Variants in SORT1 observed in about 807,000 individuals in gnomAD.
SORT1 encodes the protein sortilin 1.
In SORT1, 39 loss-of-function variants were observed where a neutral mutation model predicts 101.7. That is an observed-to-expected ratio of 0.38 (90% CI 0.30 to 0.50). SORT1 has a LOEUF of 0.50. Ranked by LOEUF, SORT1 falls within the 20% of genes least tolerant of loss-of-function variation. The probability of loss-of-function intolerance (pLI) is 0.90; values close to 1 mark genes in which losing one functional copy is unlikely to be tolerated. For synonymous variants in SORT1, 396 were observed against 393.7 expected (o/e 1.01, Z -0.07); for missense variants, 878 against 1,040.4 (o/e 0.84, Z 2.15).
intron 1 of SORT1, among the ~76,000 whole-genome samples, chr1:109,381,966 A>G (rs1279980273): frequency 1.3e-5 from 2 of 152,160 alleles, no homozygotes; most frequent in African/African-American, 4.8e-5. Context: ...ACTCTTCTTT[A>G]TAGTTTTTCT....
At chr1:109,378,886 T>C (rs960014152) in intron 1 of SORT1, among the ~76,000 whole-genome samples, 2 of 151,088 alleles carry the variant, frequency 1.3e-5, no homozygotes, top group Admixed American at 1.3e-4. Flanking sequence ...ACCACACCTG[T>C]AATCCCAGCA....
chr1:109,345,286 G>A (rs547703754), intron 8 of SORT1, among the ~76,000 whole-genome samples: 227 of 152,238 alleles, frequency 1.5e-3, no homozygotes, highest in Non-Finnish European at 2.0e-3. Context: ...AGGCTGAGGC[G>A]GGGGGATCAC....
chr1:109,390,389 G>A (rs902905882), intron 1 of SORT1, among the ~76,000 whole-genome samples: 1 of 152,048 alleles, frequency 6.6e-6, no homozygotes, highest in African/African-American at 2.4e-5. Context: ...AACAAAACAC[G>A]TTGATAAAAC....
intron 10 of SORT1, among the ~76,000 whole-genome samples, chr1:109,339,362 T>C (rs574490359): frequency 1.3e-5 from 2 of 152,308 alleles, no homozygotes; most frequent in African/African-American, 2.4e-5. Context: ...ACATCTACTA[T>C]GTGCAAAAAT....
intron 3 of SORT1, among the ~76,000 whole-genome samples, chr1:109,360,373 C>T (rs778680103): frequency 6.6e-6 from 1 of 152,270 alleles, no homozygotes; most frequent in East Asian, 1.9e-4. Context: ...TGCTCTGCCA[C>T]CCAGGCTGGG....
intron 7 of SORT1, among the ~76,000 whole-genome samples, chr1:109,347,252 A>G (rs1157815790): frequency 6.6e-6 from 1 of 152,200 alleles, no homozygotes; most frequent in African/African-American, 2.4e-5. Flanking sequence ...ACATAAATAC[A>G]TTGCTAAGAT....
chr1:109,320,386 C>T (rs943506902), intron 15 of SORT1, among the ~76,000 whole-genome samples: 4 of 152,208 alleles, frequency 2.6e-5, no homozygotes, highest in Admixed American at 6.5e-5. Context: ...TACCTTCCTT[C>T]CCACTATCTC....
chr1:109,317,001 T>C (rs1647262070), intron 16 of SORT1, 43 bp from the exon 17 acceptor site: 2 of 1,243,918 alleles, frequency 1.6e-6, no homozygotes, highest in Non-Finnish European at 2.3e-6. Context: ...TAAGGATGTA[T>C]TCCTGGGTAC....
At chr1:109,387,356 A>G (rs1470867430) in intron 1 of SORT1, among the ~76,000 whole-genome samples, 1 of 151,634 alleles carries the variant, frequency 6.6e-6, no homozygotes, top group Non-Finnish European at 1.5e-5. Flanking sequence ...AGCCAGGCAC[A>G]GGGATATGTG....
intron 3 of SORT1, among the ~76,000 whole-genome samples, chr1:109,356,941 T>A (rs1259935213): frequency 6.6e-6 from 1 of 152,254 alleles, no homozygotes; most frequent in Non-Finnish European, 1.5e-5. Context: ...TGCTGTGCAC[T>A]GCAAATTTCT....
At chr1:109,391,775 G>GA (rs1652927713) in intron 1 of SORT1, among the ~76,000 whole-genome samples, 2 of 152,188 alleles carry the variant, frequency 1.3e-5, no homozygotes, top group African/African-American at 4.8e-5. Context: ...AGAACTGACT[G>GA]AAATTGATCA....
At chr1:109,356,551 C>G (rs963732122) in intron 3 of SORT1, among the ~76,000 whole-genome samples, 5 of 152,130 alleles carry the variant, frequency 3.3e-5, no homozygotes, top group Non-Finnish European at 7.4e-5. Flanking sequence ...AAAGTGCTCC[C>G]AAAGGCTTCT....
At chr1:109,325,231 CTTTTTTTTT>C (rs35552184) in intron 13 of SORT1, 142 bp from the exon 14 acceptor site, 2 of 190,348 alleles carry the variant, frequency 1.1e-5, no homozygotes, top group African/African-American at 3.7e-5. Flanking sequence ...ATTATTTTAA[CTTTTTTTTT>C]TTTTTTTTTT....
intron 1 of SORT1, among the ~76,000 whole-genome samples, chr1:109,378,550 G>A (rs916192083): frequency 6.6e-6 from 1 of 151,194 alleles, no homozygotes; most frequent in Non-Finnish European, 1.5e-5. Flanking sequence ...AGAAATAACT[G>A]AAAGGCGGAA....
chr1:109,344,487 G>T (rs1324050521), intron 8 of SORT1, among the ~76,000 whole-genome samples: 1 of 152,048 alleles, frequency 6.6e-6, no homozygotes, highest in East Asian at 1.9e-4. Flanking sequence ...GATTGATCGG[G>T]CATGCTCCAG....
At chr1:109,374,071 A>G (rs1194802822) in intron 1 of SORT1, among the ~76,000 whole-genome samples, 1 of 152,202 alleles carries the variant, frequency 6.6e-6, no homozygotes, top group African/African-American at 2.4e-5. Flanking sequence ...CCTGAGCAAC[A>G]GAGCAAGACC....
At position 109,342,107 on chromosome 1, in the gene SORT1, T is replaced by C. The variant is rs960407299; in HGVS notation, c.1015A>G (p.Met339Val). 88 of 1,610,686 alleles carry C rather than the reference T, an allele frequency of 5.5e-5. 1 individual carries two copies. Among genetic ancestry groups the C allele is most frequent in the Non-Finnish European group, 7.3e-5 (86 of 1,177,052 alleles). The part of the protein sequence containing the change: ...VSTDQGDTWS[M>V]AQLPSVGQEQ... Reference sequence around the variant, plus strand: ...TGTCCCACGGAGGGGAGCTGGGCCATGCTCCATGTGTCCCCTTGATCTGTT... The same window carrying C: ...TGTCCCACGGAGGGGAGCTGGGCCACGCTCCATGTGTCCCCTTGATCTGTT... The change falls in exon 9 of 20, where the codon ATG becomes GTG. Residue 339 changes from methionine (M) to valine (V), a missense_variant. By Grantham distance (21) the Met-to-Val change is conservative. Transcript: ENST00000256637.
At chr1:109,381,143 G>A (rs1645931158) in intron 1 of SORT1, among the ~76,000 whole-genome samples, 1 of 152,056 alleles carries the variant, frequency 6.6e-6, no homozygotes, top group South Asian at 2.1e-4. Flanking sequence ...ATGTGCCTGA[G>A]CAAATCCTAT....
chr1:109,375,946 C>T (rs181621073), intron 1 of SORT1, among the ~76,000 whole-genome samples: 54 of 152,260 alleles, frequency 3.5e-4, no homozygotes, highest in African/African-American at 1.2e-3. Context: ...CACACACACA[C>T]ACACAAAAAC....
Sources: gnomAD v4.1 joint callset for allele counts (sites outside exome capture counted in the v4.1 genomes callset) on GRCh38, gnomAD v4.1.1 for gene constraint, MANE v1.5 for transcripts, NCBI Gene and HGNC (gene_info 2026-07-23, HGNC 2026-07-21) for gene names.